The following DENND5B variants were observed in gnomAD, a reference collection of about 807,000 sequenced individuals.
The protein encoded by DENND5B is DENN domain-containing protein 5B.
A neutral mutation model predicts 140.6 loss-of-function variants in DENND5B; 34 were observed. That is an observed-to-expected ratio of 0.24 (90% confidence interval 0.18 to 0.32). The LOEUF is 0.32. Ranked by LOEUF, DENND5B falls within the 10% of genes least tolerant of loss-of-function variation. DENND5B has a pLI of 1.00. For synonymous variants in DENND5B, 551 were observed against 562.1 expected, an observed-to-expected ratio of 0.98 and a Z score of 0.28; for missense variants, 1,142 against 1,560.2, an observed-to-expected ratio of 0.73 and a Z score of 4.52.
At chr12:31,473,465 T>C (rs531708679) in intron 3 of DENND5B, among the ~76,000 whole-genome samples, 129 of 152,316 alleles carry the variant, frequency 8.5e-4, no homozygotes, top group South Asian at 3.7e-3. Flanking sequence ...GCATTATTAA[T>C]TGGACATGCT....
rs1037050603 is a variant in DENND5B, at chr12:31,398,378, A to G, written c.3069-16T>C. On this transcript the variant is annotated splice_polypyrimidine_tract_variant and intron_variant, in intron 16 of 20. Transcript: ENST00000389082. ...ACATGGGAATCTGGTAGGACAGAAA[A>G]CAAGTTTTTTATTTTTTATTTTTTT... 2 of 1,520,432 alleles carry G rather than the reference A, an allele frequency of 1.3e-6. No homozygotes were observed. Among genetic ancestry groups the G allele is most frequent in the Middle Eastern group, 1.7e-4 (1 of 5,842 alleles). The allele number at this position is 1,520,432 out of a possible 1,614,324, so 94.2% of individuals were successfully genotyped here.
chr12:31,583,138 A>T (rs1950262932), intron 1 of DENND5B, among the ~76,000 whole-genome samples: 2 of 152,094 alleles, frequency 1.3e-5, no homozygotes. Context: ...CTAAAAATAC[A>T]AAAAGTAGCC....
intron 12 of DENND5B, among the ~76,000 whole-genome samples, chr12:31,414,443 T>C (rs1942617889): frequency 6.6e-6 from 1 of 152,222 alleles, no homozygotes; most frequent in African/African-American, 2.4e-5. Context: ...TATCCTGCCA[T>C]TATTTGCAGA....
At chr12:31,582,760 T>A (rs1425982849) in intron 1 of DENND5B, among the ~76,000 whole-genome samples, 3 of 152,160 alleles carry the variant, frequency 2.0e-5, no homozygotes, top group Non-Finnish European at 2.9e-5. Context: ...TATAGAGGAA[T>A]AAGAAGATAA....
intron 1 of DENND5B, among the ~76,000 whole-genome samples, chr12:31,570,971 A>G (rs1269511213): frequency 1.3e-5 from 2 of 152,138 alleles, no homozygotes; most frequent in African/African-American, 4.8e-5. Flanking sequence ...AAGACAATCA[A>G]AAGATTGTCC....
chr12:31,578,290 T>G (rs1040281246), intron 1 of DENND5B, among the ~76,000 whole-genome samples: 1 of 152,190 alleles, frequency 6.6e-6, no homozygotes, highest in Non-Finnish European at 1.5e-5. Context: ...GAGAAAAGTA[T>G]CTAGAAACAA....
chr12:31,475,355 G>C (rs1166660369), intron 3 of DENND5B, among the ~76,000 whole-genome samples: 1 of 112,020 alleles, frequency 8.9e-6, no homozygotes, highest in Non-Finnish European at 1.9e-5. Flanking sequence ...CAAAAAAATA[G>C]AGTATAAAAC....
At chr12:31,549,089 G>C (rs1474251329) in intron 1 of DENND5B, among the ~76,000 whole-genome samples, 1 of 152,096 alleles carries the variant, frequency 6.6e-6, no homozygotes, top group Admixed American at 6.6e-5. Flanking sequence ...TTAGAGACAC[G>C]AAGTCTCGCT....
At chr12:31,421,872 A>T (rs1943041637) in intron 11 of DENND5B, among the ~76,000 whole-genome samples, 1 of 152,146 alleles carries the variant, frequency 6.6e-6, no homozygotes, top group African/African-American at 2.4e-5. Context: ...TTTTTTTAAC[A>T]GAAAAACTGG....
At chr12:31,554,077 T>G (rs974703255) in intron 1 of DENND5B, among the ~76,000 whole-genome samples, 20 of 152,184 alleles carry the variant, frequency 1.3e-4, no homozygotes, top group African/African-American at 4.8e-4. Context: ...AAAGTTAATA[T>G]TGTTATGTGT....
intron 7 of DENND5B, among the ~76,000 whole-genome samples, chr12:31,437,236 G>A (rs1197433612): frequency 3.3e-5 from 5 of 151,398 alleles, no homozygotes; most frequent in Middle Eastern, 3.4e-3. Context: ...TCTGCCTCCC[G>A]GGTTCATGCC....
intron 4 of DENND5B, among the ~76,000 whole-genome samples, chr12:31,456,054 G>C (rs978152731): frequency 1.3e-5 from 2 of 150,132 alleles, no homozygotes; most frequent in Admixed American, 1.3e-4. Context: ...AAGTGGCCGG[G>C]CACAGTGGCT....
intron 11 of DENND5B, among the ~76,000 whole-genome samples, chr12:31,421,138 G>A (rs1408543203): frequency 6.6e-6 from 1 of 152,126 alleles, no homozygotes; most frequent in Non-Finnish European, 1.5e-5. Flanking sequence ...CCATCTTCCA[G>A]GTTCAAGCGA....
rs898389564 is a variant in DENND5B at position 31,589,388 on chromosome 12, AT to A, written c.127+1317del. Among the ~76,000 whole-genome samples, 34 of 151,686 alleles carry A rather than the reference AT, an allele frequency of 2.2e-4. 1 individual carries two copies. The highest frequency in any genetic ancestry group is 9.2e-4 in the Admixed American group (14 of 15,216). On this transcript the variant is annotated intron_variant, in intron 1 of 20. Coordinates refer to ENST00000389082, the MANE Select transcript of DENND5B (RefSeq NM_144973.4). ...ACTTGGTATTCTATTATCTCTCCAA[AT>A]TTTTTTTTAACTAAAACTAGACTTA...
At chr12:31,409,010 C>T (rs1389838871) in intron 14 of DENND5B, among the ~76,000 whole-genome samples, 1 of 152,196 alleles carries the variant, frequency 6.6e-6, no homozygotes, top group Non-Finnish European at 1.5e-5. Context: ...TCATGGGATG[C>T]TGGCTGGAAC....
At chr12:31,405,308 C>T (rs1942061535) in intron 14 of DENND5B, among the ~76,000 whole-genome samples, 1 of 152,058 alleles carries the variant, frequency 6.6e-6, no homozygotes, top group African/African-American at 2.4e-5. Flanking sequence ...TCTCCACCTC[C>T]TGGGCTCAAG....
intron 1 of DENND5B, among the ~76,000 whole-genome samples, chr12:31,515,882 G>C (rs183839223): frequency 6.6e-6 from 1 of 152,248 alleles, no homozygotes; most frequent in Non-Finnish European, 1.5e-5. Context: ...TCTTCCCTCA[G>C]CATTTATAGA....
intron 1 of DENND5B, among the ~76,000 whole-genome samples, chr12:31,516,477 C>CAAAAA (rs58069719): frequency 2.9e-5 from 2 of 68,670 alleles, no homozygotes; most frequent in African/African-American, 4.1e-5. Context: ...GACCCTGTCT[C>CAAAAA]AAAAAAAAAA....
intron 1 of DENND5B, among the ~76,000 whole-genome samples, chr12:31,550,554 A>C (rs2061541976): frequency 6.6e-6 from 1 of 151,974 alleles, no homozygotes; most frequent in Non-Finnish European, 1.5e-5. Flanking sequence ...TAGCAGCATG[A>C]TTTATAATCC....
Sources: gnomAD v4.1 joint callset for allele counts (sites outside exome capture counted in the v4.1 genomes callset) on GRCh38, gnomAD v4.1.1 for gene constraint, MANE v1.5 for transcripts, NCBI Gene and HGNC (gene_info 2026-07-23, HGNC 2026-07-21) for gene names.